Variants in RBMS3 observed in about 807,000 individuals in gnomAD.
The protein encoded by RBMS3 is RNA-binding motif, single-stranded-interacting protein 3.
In RBMS3, 27 loss-of-function variants were observed where a neutral mutation model predicts 66.8. The observed-to-expected ratio is 0.40, with a 90% confidence interval of 0.30 to 0.56. The LOEUF (loss-of-function observed/expected upper bound fraction) is 0.56, where lower values mean the gene tolerates loss of function less well. Ranked by LOEUF, RBMS3 falls within the 20% of genes least tolerant of loss-of-function variation. The pLI is 0.40. For synonymous variants in RBMS3, 188 were observed against 183.0 expected, an observed-to-expected ratio of 1.03 and a Z score of -0.22; for missense variants, 513 against 549.5, an observed-to-expected ratio of 0.93 and a Z score of 0.66.
intron 4 of RBMS3, among the ~76,000 whole-genome samples, chr3:29,607,683 T>G (rs901532257): frequency 2.2e-4 from 33 of 152,102 alleles, no homozygotes; most frequent in African/African-American, 7.2e-4. Flanking sequence ...GAAAGAAAAT[T>G]TAAACATTTT....
chr3:29,875,569 A>C (rs555206862), intron 7 of RBMS3, among the ~76,000 whole-genome samples: 210 of 152,174 alleles, frequency 1.4e-3, no homozygotes, highest in Middle Eastern at 3.4e-3. Flanking sequence ...GAAAAAAAAA[A>C]CCTGCATCTT....
chr3:29,372,909 G>T (rs753207501), intron 1 of RBMS3, among the ~76,000 whole-genome samples: 1 of 150,894 alleles, frequency 6.6e-6, no homozygotes, highest in African/African-American at 2.4e-5. Context: ...AAGAAAAAAC[G>T]CCTTGAAACC....
chr3:30,001,523 G>A (rs111842824), intron 14 of RBMS3, among the ~76,000 whole-genome samples: 2,423 of 151,834 alleles, frequency 0.016, 56 homozygotes, highest in African/African-American at 0.054. Context: ...TCTCAACCCT[G>A]GTATTGCAAG....
At chr3:29,900,997 G>T (rs545790454) in intron 10 of RBMS3, among the ~76,000 whole-genome samples, 2 of 151,486 alleles carry the variant, frequency 1.3e-5, no homozygotes, top group African/African-American at 2.4e-5. Flanking sequence ...TTTTCATGTT[G>T]CTCCAAACAT....
chr3:29,304,779 G>A (rs2033902433), intron 1 of RBMS3, among the ~76,000 whole-genome samples: 1 of 151,798 alleles, frequency 6.6e-6, no homozygotes, highest in Non-Finnish European at 1.5e-5. Flanking sequence ...GTTTCATAGT[G>A]GGGTCTGGAT....
At chr3:29,631,663 T>G (rs1180467885) in intron 4 of RBMS3, among the ~76,000 whole-genome samples, 5 of 151,934 alleles carry the variant, frequency 3.3e-5, no homozygotes, top group Non-Finnish European at 7.4e-5. Flanking sequence ...TGCTTATTGA[T>G]TCATTTGTAA....
chr3:29,571,872 C>T (rs922995860), intron 3 of RBMS3, among the ~76,000 whole-genome samples: 3 of 152,234 alleles, frequency 2.0e-5, no homozygotes, highest in Middle Eastern at 3.4e-3. Flanking sequence ...ATAGTATGCA[C>T]ATTTTAAACA....
intron 4 of RBMS3, among the ~76,000 whole-genome samples, chr3:29,722,739 A>G (rs2053695306): frequency 6.6e-6 from 1 of 151,992 alleles, no homozygotes; most frequent in Non-Finnish European, 1.5e-5. Flanking sequence ...TTTTTCTATG[A>G]TTAGGTTCGG....
At chr3:29,573,658 C>T (rs562012144) in intron 3 of RBMS3, among the ~76,000 whole-genome samples, 9 of 151,944 alleles carry the variant, frequency 5.9e-5, no homozygotes, top group African/African-American at 1.7e-4. Context: ...TCCTTAGGTT[C>T]TTTATTTGAA....
At chr3:29,416,373 G>T (rs1454829535) in intron 1 of RBMS3, among the ~76,000 whole-genome samples, 1 of 151,764 alleles carries the variant, frequency 6.6e-6, no homozygotes, top group Non-Finnish European at 1.5e-5. Context: ...CTCAAAAATG[G>T]TCAATGGCCA....
At chr3:29,287,999 G>C (rs1324745113) in intron 1 of RBMS3, among the ~76,000 whole-genome samples, 3 of 151,912 alleles carry the variant, frequency 2.0e-5, no homozygotes, top group African/African-American at 7.2e-5. Flanking sequence ...TTATTACTCA[G>C]GGAGTATGTA....
At chr3:29,362,444 G>A (rs1441817009) in intron 1 of RBMS3, among the ~76,000 whole-genome samples, 3 of 152,210 alleles carry the variant, frequency 2.0e-5, no homozygotes, top group Admixed American at 6.5e-5. Context: ...CTTGTGAGGT[G>A]TCAGTCTGCC....
chr3:29,936,553 C>G (rs1247832656), intron 11 of RBMS3, among the ~76,000 whole-genome samples: 1 of 152,046 alleles, frequency 6.6e-6, no homozygotes, highest in Non-Finnish European at 1.5e-5. Flanking sequence ...CAGCTGCTTA[C>G]CAGCTCAGCT....
At chr3:29,368,368 G>A (rs781455906) in intron 1 of RBMS3, among the ~76,000 whole-genome samples, 2 of 152,086 alleles carry the variant, frequency 1.3e-5, no homozygotes, top group Non-Finnish European at 1.5e-5. Context: ...GAAACAGGTT[G>A]ATCTATATTT....
chr3:29,607,335 G>A (rs1471315789), intron 4 of RBMS3, among the ~76,000 whole-genome samples: 1 of 151,946 alleles, frequency 6.6e-6, no homozygotes, highest in Non-Finnish European at 1.5e-5. Context: ...AGGCTGGGAA[G>A]TCCAAGATCA....
At chr3:29,862,708 G>A (rs1032064522) in intron 6 of RBMS3, among the ~76,000 whole-genome samples, 1 of 151,960 alleles carries the variant, frequency 6.6e-6, no homozygotes, top group Non-Finnish European at 1.5e-5. Flanking sequence ...GCTAAGTGTG[G>A]CGGCGTGTGC....
intron 6 of RBMS3, among the ~76,000 whole-genome samples, chr3:29,791,936 T>C (rs1351037784): frequency 1.3e-5 from 2 of 152,218 alleles, no homozygotes; most frequent in Non-Finnish European, 2.9e-5. Context: ...TTTTCTAAAA[T>C]CACATTTTAT....
chr3:29,790,389 C>A (rs1232865849), intron 6 of RBMS3, among the ~76,000 whole-genome samples: 17 of 152,060 alleles, frequency 1.1e-4, no homozygotes, highest in Admixed American at 1.0e-3. Flanking sequence ...TTACATAATT[C>A]ATTTTCACTT....
chr3:29,489,920 G>GT (rs1159585553), intron 3 of RBMS3, among the ~76,000 whole-genome samples: 1 of 151,212 alleles, frequency 6.6e-6, no homozygotes, highest in Non-Finnish European at 1.5e-5. Flanking sequence ...GTAGGCACCT[G>GT]TAATCCCAGC....
Sources: gnomAD v4.1 joint callset for allele counts (sites outside exome capture counted in the v4.1 genomes callset) on GRCh38, gnomAD v4.1.1 for gene constraint, MANE v1.5 for transcripts, NCBI Gene and HGNC (gene_info 2026-07-23, HGNC 2026-07-21) for gene names.